ADD2: variants seen among roughly 807,000 people sequenced by gnomAD.
ADD2 encodes adducin 2.
A neutral mutation model predicts 83.0 loss-of-function variants in ADD2; 23 were observed. The ratio of observed to expected loss-of-function variants is 0.28; its 90% CI spans 0.20 to 0.39. The LOEUF (loss-of-function observed/expected upper bound fraction) is 0.39, where lower values mean the gene tolerates loss of function less well. Ranked by LOEUF, ADD2 falls within the 10% of genes least tolerant of loss-of-function variation. ADD2 has a pLI of 1.00. For missense variants in ADD2, 758 were observed against 944.9 expected, an observed-to-expected ratio of 0.80 and a Z score of 2.59; for synonymous variants, 375 against 375.4, an observed-to-expected ratio of 1.00 and a Z score of 0.01.
chr2:70,679,606 CTCTT>C (rs1475118386), intron 10 of ADD2, among the ~76,000 whole-genome samples: 2 of 152,068 alleles, frequency 1.3e-5, no homozygotes, highest in African/African-American at 2.4e-5. Flanking sequence ...ATATTCAGCT[CTCTT>C]TGTCTTCTTT....
chr2:70,743,610 A>G (rs2052271), intron 1 of ADD2, among the ~76,000 whole-genome samples: 52,602 of 152,212 alleles, frequency 0.35, 9,162 homozygotes, highest in Middle Eastern at 0.41. Context: ...AAAATTCTGA[A>G]ATACTTGCCA....
rs1001091126 is a variant in ADD2, at chr2:70,767,925, C to T, written c.-193G>A. ...CTTAGCTATCTCCGGTCGGCCACTG[C>T]GGGTTGGTTTTGTTATTTTATGGGT... On this transcript the variant is annotated 5_prime_UTR_variant, in exon 1 of 16. Coordinates refer to ENST00000264436, the MANE Select transcript of ADD2 (RefSeq NM_001617.4). 1 of 1,535,926 alleles carries T rather than the reference C, an allele frequency of 6.5e-7. No individual in the cohort carries two copies. Among genetic ancestry groups the T allele is most frequent in the Admixed American group, 2.0e-5 (1 of 51,004 alleles).
intron 10 of ADD2, among the ~76,000 whole-genome samples, 183 bp downstream of exon 10, chr2:70,683,408 T>C (rs1050559875): frequency 1.2e-4 from 19 of 152,268 alleles, no homozygotes; most frequent in African/African-American, 4.3e-4. Context: ...GTCCACAGTT[T>C]ACAAAAATTC....
chr2:70,751,941 G>A (rs13408905), intron 1 of ADD2, among the ~76,000 whole-genome samples: 1 of 151,882 alleles, frequency 6.6e-6, no homozygotes, highest in African/African-American at 2.4e-5. Flanking sequence ...TACAAGAGTC[G>A]CCGCTTTTCA....
Position 70,678,730 on chromosome 2 carries a change from T to A in ADD2, c.1357A>T (p.Met453Leu). The A allele has an allele frequency of 6.3e-7, 1 of 1,583,328 alleles. No individual in the cohort carries two copies. Among genetic ancestry groups the A allele is most frequent in the Non-Finnish European group, 8.6e-7 (1 of 1,162,672 alleles). The change falls in exon 11 of 16, where the codon ATG becomes TTG. Residue 453 changes from methionine (M) to leucine (L), a missense_variant. Physicochemically the swap from Met to Leu is conservative, Grantham distance 15 (BLOSUM62 2). Transcript: ENST00000264436. ...VNVADEVQRS[M>L]GSPRPKTTWM... ...GTGGTCTTGGGTCGGGGGCTGCCCA[T>A]GCTCCTCTGGACCTCATCGGCCACA...
At chr2:70,696,696 T>G (rs1553372790) in intron 4 of ADD2, among the ~76,000 whole-genome samples, 1 of 152,184 alleles carries the variant, frequency 6.6e-6, no homozygotes, top group African/African-American at 2.4e-5. Context: ...TACCATAAAC[T>G]CTGAAGATGG....
chr2:70,688,681 G>T (rs911598724), intron 8 of ADD2, among the ~76,000 whole-genome samples: 3 of 152,090 alleles, frequency 2.0e-5, no homozygotes, highest in Non-Finnish European at 4.4e-5. Flanking sequence ...TGGGTCTTAG[G>T]TTTCTGCACC....
intron 1 of ADD2, among the ~76,000 whole-genome samples, chr2:70,749,379 G>A (rs1674395584): frequency 6.6e-6 from 1 of 152,098 alleles, no homozygotes; most frequent in Admixed American, 6.5e-5. Flanking sequence ...TAAAAACCTA[G>A]AATTGCATAG....
At chr2:70,693,562 C>T (rs575421990) in intron 6 of ADD2, among the ~76,000 whole-genome samples, 2 of 152,302 alleles carry the variant, frequency 1.3e-5, no homozygotes, top group South Asian at 4.1e-4. Flanking sequence ...TTTGCTTACA[C>T]AGAAGCATCA....
chr2:70,763,664 T>C (rs1675230479), intron 1 of ADD2, among the ~76,000 whole-genome samples: 1 of 151,928 alleles, frequency 6.6e-6, no homozygotes, highest in Non-Finnish European at 1.5e-5. Flanking sequence ...GTAATAAAAT[T>C]AATTTATTGC....
intron 14 of ADD2, 48 bp from the exon 15 acceptor site, chr2:70,673,054 G>A: frequency 6.3e-7 from 1 of 1,588,304 alleles, no homozygotes; most frequent in Non-Finnish European, 8.5e-7. Flanking sequence ...ATAGAGAAGA[G>A]ATGGGCAGGG....
chr2:70,735,712 C>CTT (rs782750462), intron 1 of ADD2, among the ~76,000 whole-genome samples: 2 of 143,712 alleles, frequency 1.4e-5, no homozygotes, highest in Non-Finnish European at 1.5e-5. Flanking sequence ...TATTCCCCCG[C>CTT]TTTTTTTTTT....
At chr2:70,668,079 C>T (rs1220229742) in intron 15 of ADD2, among the ~76,000 whole-genome samples, 1 of 152,172 alleles carries the variant, frequency 6.6e-6, no homozygotes, top group African/African-American at 2.4e-5. Context: ...TCTTCTCCTG[C>T]CCTGAAGCTT....
chr2:70,736,776 GT>G lies in ADD2; in HGVS notation c.-153-23593del, dbSNP rs201172481. Among the ~76,000 whole-genome samples, 489 of 143,350 alleles carry G rather than the reference GT, an allele frequency of 3.4e-3. 4 individuals carry two copies. Among genetic ancestry groups the G allele is most frequent in the East Asian group, 0.025 (122 of 4,942 alleles). 94.0% of individuals were successfully genotyped at this position (143,350 alleles called of 152,430 possible). Reference sequence around the variant, plus strand: ...ATCTATTTCTCCCCACTGTGTTGCTGTTTTTTTTTTTTTAAGTTGAATGAAT... The same window carrying G: ...ATCTATTTCTCCCCACTGTGTTGCTGTTTTTTTTTTTTAAGTTGAATGAAT... On this transcript the variant is annotated intron_variant, in intron 1 of 15. Transcript: ENST00000264436.
chr2:70,704,280 C>T (rs1553373946), intron 4 of ADD2, 41 bp downstream of exon 4: 3 of 1,509,718 alleles, frequency 2.0e-6, no homozygotes, highest in African/African-American at 2.8e-5. Context: ...CCCACCCTCC[C>T]CTCCACCTCT....
At chr2:70,723,740 G>T (rs1323319269) in intron 1 of ADD2, among the ~76,000 whole-genome samples, 1 of 152,044 alleles carries the variant, frequency 6.6e-6, no homozygotes, top group African/African-American at 2.4e-5. Flanking sequence ...GTAATTATAG[G>T]CACAAAATGC....
At position 70,768,033 on chromosome 2, in the gene ADD2, T is replaced by C; in HGVS notation, c.-301A>G. 6.8e-7 allele frequency: 1 copy of C among 1,474,506 alleles called. No homozygotes were observed. Among genetic ancestry groups the C allele is most frequent in the Non-Finnish European group, 9.1e-7 (1 of 1,103,148 alleles). The allele number at this position is 1,474,506 out of a possible 1,614,324, so 91.3% of individuals were successfully genotyped here. A position where few individuals can be genotyped will look rare whatever the true frequency, so the allele number is the denominator to read the frequency against. ...CTGCCCATGCTGCAGCCCGCGCTCG[T>C]CAGAGCTGCTGGGAGATCCCCCAGC... On this transcript the variant is annotated 5_prime_UTR_variant, in exon 1 of 16. Transcript: ENST00000264436.
At chr2:70,672,359 T>A (rs1669929610) in intron 15 of ADD2, among the ~76,000 whole-genome samples, 1 of 152,208 alleles carries the variant, frequency 6.6e-6, no homozygotes, top group African/African-American at 2.4e-5. Flanking sequence ...TCCAGACTTT[T>A]CTGAGTTTTC....
At chr2:70,690,182 C>A (rs77331048) in intron 8 of ADD2, among the ~76,000 whole-genome samples, 5,621 of 151,982 alleles carry the variant, frequency 0.037, 137 homozygotes, top group Non-Finnish European at 0.059. Flanking sequence ...CTGCAGCCTT[C>A]ACCTTCTGGA....
Sources: allele counts gnomAD v4.1 joint callset (sites outside exome capture counted in the v4.1 genomes callset), GRCh38; gene constraint gnomAD v4.1.1; transcripts MANE v1.5; gene names NCBI Gene and HGNC (gene_info 2026-07-23, HGNC 2026-07-21).